Variants in CAMK2D observed in about 807,000 individuals in gnomAD.
CAMK2D encodes the protein calcium/calmodulin-dependent protein kinase type II subunit delta.
CAMK2D carries 37 observed loss-of-function variants against 84.0 expected under a neutral mutation model. That is an observed-to-expected ratio of 0.44 (90% confidence interval 0.34 to 0.58). CAMK2D has a LOEUF of 0.58. Ranked by LOEUF, CAMK2D falls within the 20% of genes least tolerant of loss-of-function variation. The pLI, the probability that CAMK2D is intolerant of heterozygous loss-of-function variation, is 0.02. For synonymous variants in CAMK2D, 202 were observed against 212.5 expected, an observed-to-expected ratio of 0.95 and a Z score of 0.43; for missense variants, 448 against 652.5, an observed-to-expected ratio of 0.69 and a Z score of 3.41.
intron 4 of CAMK2D, among the ~76,000 whole-genome samples, chr4:113,587,965 A>T (rs1469054426): frequency 6.6e-6 from 1 of 152,180 alleles, no homozygotes; most frequent in Non-Finnish European, 1.5e-5. Context: ...GCAGGCAGAA[A>T]ATATTTCTTT....
chr4:113,531,367 A>C, intron 7 of CAMK2D, 68 bp from the exon 8 acceptor site: 1 of 826,390 alleles, frequency 1.2e-6, no homozygotes, highest in East Asian at 2.5e-5. Flanking sequence ...GAAACTAAGA[A>C]AGAAAAATAT....
At chr4:113,495,162 T>TC (rs2097911702) in intron 16 of CAMK2D, among the ~76,000 whole-genome samples, 1 of 152,116 alleles carries the variant, frequency 6.6e-6, no homozygotes, top group South Asian at 2.1e-4. Flanking sequence ...TCTTGGCTCC[T>TC]CCCCCCAGTA....
intron 9 of CAMK2D, among the ~76,000 whole-genome samples, chr4:113,516,531 T>C (rs1351107729): frequency 6.6e-6 from 1 of 152,186 alleles, no homozygotes; most frequent in African/African-American, 2.4e-5. Context: ...ATGTAAATAA[T>C]AATTTGTTCC....
At chr4:113,717,264 A>G (rs771969387) in intron 2 of CAMK2D, among the ~76,000 whole-genome samples, 17 of 152,146 alleles carry the variant, frequency 1.1e-4, no homozygotes, top group Non-Finnish European at 2.5e-4. Flanking sequence ...TATAAAATCA[A>G]TTAGAAACAG....
intron 16 of CAMK2D, among the ~76,000 whole-genome samples, chr4:113,470,599 T>G (rs532706530): frequency 6.6e-6 from 1 of 150,916 alleles, no homozygotes; most frequent in Admixed American, 6.7e-5. Flanking sequence ...GATTGCACCA[T>G]TGCACTCCAG....
chr4:113,550,516 C>A (rs1041781704), intron 5 of CAMK2D, among the ~76,000 whole-genome samples: 1 of 152,168 alleles, frequency 6.6e-6, no homozygotes, highest in African/African-American at 2.4e-5. Context: ...TGTTCCTTCT[C>A]TTTGATTTTA....
chr4:113,590,502 T>C (rs370207303), intron 4 of CAMK2D, among the ~76,000 whole-genome samples: 2 of 152,136 alleles, frequency 1.3e-5, no homozygotes, highest in African/African-American at 2.4e-5. Context: ...TGATTCAAGA[T>C]AGTCAATTTC....
At chr4:113,607,863 T>C (rs2098984683) in intron 4 of CAMK2D, among the ~76,000 whole-genome samples, 1 of 152,140 alleles carries the variant, frequency 6.6e-6, no homozygotes, top group African/African-American at 2.4e-5. Flanking sequence ...AAATCACAAT[T>C]TAGTTCTGAA....
chr4:113,527,940 A>C (rs1400450722), intron 8 of CAMK2D, among the ~76,000 whole-genome samples: 1 of 152,190 alleles, frequency 6.6e-6, no homozygotes, highest in Non-Finnish European at 1.5e-5. Flanking sequence ...ATATAAGAAC[A>C]AATGAATAAT....
At chr4:113,732,792 A>G (rs2099572261) in intron 2 of CAMK2D, among the ~76,000 whole-genome samples, 1 of 152,150 alleles carries the variant, frequency 6.6e-6, no homozygotes, top group Non-Finnish European at 1.5e-5. Flanking sequence ...TGAAAAGTTC[A>G]TGCCTATTCA....
At chr4:113,645,411 T>C (rs1561565322) in intron 3 of CAMK2D, among the ~76,000 whole-genome samples, 1 of 152,206 alleles carries the variant, frequency 6.6e-6, no homozygotes. Context: ...CCTATTCATT[T>C]ATGAAGTTTC....
chr4:113,489,531 C>A (rs2154136670), intron 16 of CAMK2D, among the ~76,000 whole-genome samples: 1 of 151,302 alleles, frequency 6.6e-6, no homozygotes, highest in African/African-American at 2.4e-5. Context: ...TTTCTTAATC[C>A]AGTCTATCAT....
intron 13 of CAMK2D, chr4:113,508,131 G>A (rs945300478): frequency 2.6e-6 from 2 of 771,002 alleles, no homozygotes; most frequent in Non-Finnish European, 2.3e-6. Flanking sequence ...GACCTGTAAT[G>A]GTCCTACACC....
chr4:113,562,396 A>G (rs2098702366), intron 4 of CAMK2D, among the ~76,000 whole-genome samples: 2 of 152,222 alleles, frequency 1.3e-5, no homozygotes, highest in Admixed American at 6.5e-5. Flanking sequence ...AGATTGAGGT[A>G]AGTCTAGATC....
At position 113,493,281 on chromosome 4, in the gene CAMK2D, C is replaced by T. The variant is rs200664207; in HGVS notation, c.1135+7182G>A. On this transcript the variant is annotated intron_variant, in intron 16 of 20. Coordinates refer to ENST00000511664, the MANE Select transcript of CAMK2D (RefSeq NM_001321571.2). ...GGCATGATTTTGCAGTGGCTGGTAC[C>T]GGTTGTTCCTTTCCATGTTTAGTGC... Among the ~76,000 whole-genome samples the T allele has an allele frequency of 7.8e-4, 119 of 151,882 alleles. 2 individuals are homozygous for T. The highest frequency in any genetic ancestry group is 3.1e-3 in the East Asian group (16 of 5,154).
Position 113,741,397 on chromosome 4 carries a change from A to T in CAMK2D, c.160+17923T>A, listed in dbSNP as rs1165336324. Among the ~76,000 whole-genome samples the T allele has an allele frequency of 2.6e-5, 4 of 152,198 alleles. No individual in the cohort carries two copies. The East Asian group carries it at 7.7e-4, about 29-fold the overall frequency. The stretch of plus-strand genomic sequence containing the variant: ...ACATGCACAGAATAACTTTTATTAT[A>T]GTATATTATTATAATTGTTCTATTT... On this transcript the variant is annotated intron_variant, in intron 2 of 20. Transcript: ENST00000511664.
intron 16 of CAMK2D, among the ~76,000 whole-genome samples, chr4:113,492,763 A>T (rs1450373280): frequency 1.5e-4 from 22 of 145,314 alleles, no homozygotes; most frequent in Non-Finnish European, 1.8e-4. Context: ...CCCATTATTA[A>T]TGTGTGGGAG....
At chr4:113,523,168 C>T (rs1250765073) in intron 8 of CAMK2D, among the ~76,000 whole-genome samples, 1 of 152,286 alleles carries the variant, frequency 6.6e-6, no homozygotes, top group East Asian at 1.9e-4. Flanking sequence ...AAAGAAATTT[C>T]GTTGTTTATA....
At chr4:113,473,190 A>G (rs2097567279) in intron 16 of CAMK2D, among the ~76,000 whole-genome samples, 1 of 152,206 alleles carries the variant, frequency 6.6e-6, no homozygotes, top group Non-Finnish European at 1.5e-5. Context: ...TATTACATCA[A>G]TTTCACACAA....
Sources: allele counts gnomAD v4.1 joint callset (sites outside exome capture counted in the v4.1 genomes callset), GRCh38; gene constraint gnomAD v4.1.1; transcripts MANE v1.5; gene names NCBI Gene and HGNC (gene_info 2026-07-23, HGNC 2026-07-21).